The following CUX2 variants were observed in gnomAD, a reference collection of about 807,000 sequenced individuals.
The protein encoded by CUX2 is cut like homeobox 2, also known as homeobox protein cut-like 2.
Under a neutral mutation model 144.8 loss-of-function variants are expected in CUX2, and 40 were observed. The ratio of observed to expected loss-of-function variants is 0.28; its 90% CI spans 0.21 to 0.36. The LOEUF (loss-of-function observed/expected upper bound fraction) is 0.36. Ranked by LOEUF, CUX2 falls within the 10% of genes least tolerant of loss-of-function variation. The pLI is 1.00. For synonymous variants in CUX2, 827 were observed against 875.6 expected, an observed-to-expected ratio of 0.94 and a Z score of 0.98; for missense variants, 1,615 against 1,994.0, an observed-to-expected ratio of 0.81 and a Z score of 3.62.
intron 4 of CUX2, chr12:111,270,610 G>A (rs1328969006): frequency 6.6e-6 from 1 of 151,058 alleles, no homozygotes; most frequent in African/African-American, 2.4e-5. Flanking sequence ...AGCTTCAGAA[G>A]GCTAACTTGT....
intron 3 of CUX2, among the ~76,000 whole-genome samples, chr12:111,232,596 C>T (rs1232402817): frequency 1.3e-5 from 2 of 152,130 alleles, no homozygotes; most frequent in Non-Finnish European, 2.9e-5. Context: ...ATTTGAGCAT[C>T]GGAGGATTTT....
rs1884919424 is a variant in CUX2, at chr12:111,277,178, CG to C, written c.301+13340del. On this transcript the variant is annotated intron_variant, in intron 4 of 21. Transcript: ENST00000261726. This position sits in a 1 kb window ranked among gnomAD's most constrained non-coding sequence, Gnocchi z 5.0. ...GCCCAGAAACTCACATATGGAGGGC[CG>C]CAGCCCACTCTGAACCCAGCTGCCA... Among the ~76,000 whole-genome samples the C allele has an allele frequency of 6.6e-6, 1 of 152,050 alleles. No homozygotes were observed. Among genetic ancestry groups the C allele is most frequent in the Admixed American group, 6.5e-5 (1 of 15,270 alleles).
chr12:111,216,818 C>G (rs1366821934), intron 2 of CUX2, among the ~76,000 whole-genome samples: 4 of 152,192 alleles, frequency 2.6e-5, no homozygotes, highest in Non-Finnish European at 4.4e-5. Flanking sequence ...CCCTGGGGAC[C>G]TAGAATCAGG....
At position 111,034,352 on chromosome 12, in the gene CUX2, G is replaced by C. The variant is rs1335486127; in HGVS notation, c.63+112G>C. On this transcript the variant is annotated intron_variant, in intron 1 of 21. Transcript: ENST00000261726. The surrounding 1 kb of genome is among the most constrained non-coding windows in gnomAD (Gnocchi z 4.2). Reference sequence around the variant, plus strand: ...CGGACGCCCTGGGGCGGCGGGCGGCGGCTGCCGGGGCTCGCCGGGGCTCGG... The same window carrying C: ...CGGACGCCCTGGGGCGGCGGGCGGCCGCTGCCGGGGCTCGCCGGGGCTCGG... The C allele has an allele frequency of 1.9e-5, 8 of 413,496 alleles. No individual in the cohort carries two copies. In the South Asian group the frequency reaches 6.7e-4, roughly 35 times the overall value. The allele number at this position is 413,496 out of a possible 1,614,324, so 25.6% of individuals were successfully genotyped here.
chr12:111,271,037 G>A (rs1592903790), intron 4 of CUX2, among the ~76,000 whole-genome samples: 1 of 152,156 alleles, frequency 6.6e-6, no homozygotes, highest in South Asian at 2.1e-4. Context: ...AAAGCATTCC[G>A]CAGGGCTGAG....
intron 14 of CUX2, 66 bp from the exon 15 acceptor site, chr12:111,309,975 G>C: frequency 8.0e-7 from 1 of 1,244,602 alleles, no homozygotes; most frequent in Non-Finnish European, 1.0e-6. Context: ...TTTTCTCCCT[G>C]TCTCTCTCTC....
intron 1 of CUX2, among the ~76,000 whole-genome samples, chr12:111,081,410 A>C (rs1476886769): frequency 6.6e-6 from 1 of 152,178 alleles, no homozygotes; most frequent in East Asian, 1.9e-4. Flanking sequence ...GCCACTGCCA[A>C]GCAGCACATG....
chr12:111,140,333 G>A (rs1847057692), intron 1 of CUX2, among the ~76,000 whole-genome samples: 1 of 152,196 alleles, frequency 6.6e-6, no homozygotes, highest in African/African-American at 2.4e-5. Flanking sequence ...ACAATTGAAG[G>A]CAACTCTCAC....
chr12:111,226,708 G>A (rs1435399519), intron 3 of CUX2, among the ~76,000 whole-genome samples: 2 of 151,990 alleles, frequency 1.3e-5, no homozygotes, highest in African/African-American at 2.4e-5. Flanking sequence ...TTTTTGACAC[G>A]AATTGCTTTT....
At chr12:111,223,304 C>T (rs994555441) in intron 3 of CUX2, among the ~76,000 whole-genome samples, 3 of 152,052 alleles carry the variant, frequency 2.0e-5, no homozygotes, top group African/African-American at 7.2e-5. Context: ...GTCCAGAAGC[C>T]CAAGGGAGGC....
chr12:111,321,558 G>T (rs1230187590), intron 17 of CUX2, among the ~76,000 whole-genome samples: 18 of 152,022 alleles, frequency 1.2e-4, no homozygotes, highest in Admixed American at 1.2e-3. Context: ...GCCAAGTGTG[G>T]TGGTGCACAG....
At chr12:111,169,661 C>G (rs1417266194) in intron 1 of CUX2, among the ~76,000 whole-genome samples, 1 of 152,198 alleles carries the variant, frequency 6.6e-6, no homozygotes. Context: ...GGCTCCGCAG[C>G]CTGCTTCGCG....
At chr12:111,223,904 C>A (rs893219048) in intron 3 of CUX2, among the ~76,000 whole-genome samples, 1 of 152,144 alleles carries the variant, frequency 6.6e-6, no homozygotes, top group Non-Finnish European at 1.5e-5. Flanking sequence ...GGGAACCCTC[C>A]CTGACCACCC....
chr12:111,051,420 A>G (rs1470781235), intron 1 of CUX2, among the ~76,000 whole-genome samples: 1 of 151,838 alleles, frequency 6.6e-6, no homozygotes, highest in African/African-American at 2.4e-5. Context: ...AGGTGCATAT[A>G]TACATTTATA....
chr12:111,330,710 T>TATATACATATAC (rs1555217585), intron 18 of CUX2, among the ~76,000 whole-genome samples: 2 of 23,836 alleles, frequency 8.4e-5, no homozygotes, highest in South Asian at 2.1e-3. Flanking sequence ...TATATATATA[T>TATATACATATAC]ATATATATAT....
At chr12:111,202,333 C>T (rs544451167) in intron 1 of CUX2, among the ~76,000 whole-genome samples, 3 of 152,274 alleles carry the variant, frequency 2.0e-5, no homozygotes, top group South Asian at 2.1e-4. Context: ...CCGAGAACTC[C>T]GGAATATAAA....
At position 111,287,344 on chromosome 12, in the gene CUX2, A is replaced by G. The variant is rs1284431523; in HGVS notation, c.302-4074A>G. Among the ~76,000 whole-genome samples the G allele has an allele frequency of 6.6e-6, 1 of 152,170 alleles. No homozygotes were observed. The highest frequency in any genetic ancestry group is 6.5e-5 in the Admixed American group (1 of 15,286). On this transcript the variant is annotated intron_variant, in intron 4 of 21. Transcript: ENST00000261726. The surrounding 1 kb of genome is among the most constrained non-coding windows in gnomAD (Gnocchi z 4.2). ...GAGCAAGCCCTCCGTGGCCCTGCGC[A>G]GTCCGCGTGGCACCGCACCGTCTTG...
intron 1 of CUX2, among the ~76,000 whole-genome samples, chr12:111,129,935 ACT>A (rs1875356839): frequency 6.6e-6 from 1 of 151,940 alleles, no homozygotes; most frequent in South Asian, 2.1e-4. Flanking sequence ...CTGAGCTAAA[ACT>A]CTATTGATCA....
In CUX2 at chr12:111,308,653, A is replaced by C; in HGVS notation, c.1258+127A>C. The C allele has an allele frequency of 3.9e-6, 3 of 777,706 alleles. No individual in the cohort carries two copies. The East Asian group carries it at 8.1e-5, about 21-fold the overall frequency. The allele number at this position is 777,706 out of a possible 1,614,324, so 48.2% of individuals were successfully genotyped here. ...GAGAACGACAGAACAACAGGTGTGCATTGATTTGGCACCTGCTGTATGCCT... is the reference window on the plus strand; with the variant it reads ...GAGAACGACAGAACAACAGGTGTGCCTTGATTTGGCACCTGCTGTATGCCT... On this transcript the variant is annotated intron_variant, in intron 14 of 21. Coordinates refer to ENST00000261726, the MANE Select transcript of CUX2 (RefSeq NM_015267.4).
Sources: gnomAD v4.1 joint callset for allele counts (sites outside exome capture counted in the v4.1 genomes callset) on GRCh38, gnomAD v4.1.1 for gene constraint, Gnocchi (gnomAD v3.1) non-coding constraint, MANE v1.5 for transcripts, NCBI Gene and HGNC (gene_info 2026-07-23, HGNC 2026-07-21) for gene names.